DNAH11: variants seen among roughly 807,000 people sequenced by gnomAD.
DNAH11 encodes dynein axonemal heavy chain 11.
DNAH11 carries 442 observed loss-of-function variants against 526.0 expected under a neutral mutation model. The ratio of observed to expected loss-of-function variants is 0.84; its 90% confidence interval spans 0.78 to 0.91. The LOEUF is 0.91. Among genes scored for constraint, DNAH11 ranks in the 40% least tolerant of loss-of-function variants. The pLI, the probability that DNAH11 is intolerant of heterozygous loss-of-function variation, is 0.00. For missense variants in DNAH11, 6,989 were observed against 5,448.7 expected (o/e 1.28, Z -8.90); for synonymous variants, 2,461 against 1,935.9 (o/e 1.27, Z -7.12).
intron 28 of DNAH11, among the ~76,000 whole-genome samples, chr7:21,646,812 C>G (rs1787373641): frequency 6.6e-6 from 1 of 152,056 alleles, no homozygotes; most frequent in Non-Finnish European, 1.5e-5. Flanking sequence ...TAGCAATATC[C>G]AAAAGGATCA....
chr7:21,616,883 G>A (rs1785806922), intron 22 of DNAH11, among the ~76,000 whole-genome samples: 1 of 152,152 alleles, frequency 6.6e-6, no homozygotes, highest in African/African-American at 2.4e-5. Context: ...ATGCATATCA[G>A]TGAAAGGCAG....
chr7:21,663,971 A>T lies in DNAH11; in HGVS notation c.5328+4940A>T, dbSNP rs117489403. Among the ~76,000 whole-genome samples the T allele has an allele frequency of 8.3e-3, 1,258 of 152,012 alleles. 45 individuals carry two copies. In the South Asian group the frequency reaches 0.091, roughly 11 times the overall value. ...AGTCAGATTGCTGGATCATATGGTA[A>T]TTCTATTTTTAATTTTTTGAGGAAA... On this transcript the variant is annotated intron_variant, in intron 30 of 81. Transcript: ENST00000409508.
At chr7:21,647,291 G>C (rs62447805) in intron 28 of DNAH11, among the ~76,000 whole-genome samples, 7,587 of 152,064 alleles carry the variant, frequency 0.05, 232 homozygotes, top group Non-Finnish European at 0.06. Context: ...GCTCAGATTG[G>C]TCAAAACAAT....
intron 30 of DNAH11, among the ~76,000 whole-genome samples, chr7:21,675,883 A>AG (rs142575126): frequency 0.024 from 3,659 of 152,294 alleles, 138 homozygotes; most frequent in African/African-American, 0.083. Context: ...ATAAATAGAT[A>AG]GGGGGTAATA....
intron 66 of DNAH11, among the ~76,000 whole-genome samples, chr7:21,843,253 G>C (rs1280910319): frequency 6.6e-6 from 1 of 151,982 alleles, no homozygotes; most frequent in African/African-American, 2.4e-5. Flanking sequence ...TAGAAGAAAG[G>C]CAATAATAAA....
At chr7:21,881,357 T>A (rs938293761) in intron 75 of DNAH11, among the ~76,000 whole-genome samples, 2 of 152,216 alleles carry the variant, frequency 1.3e-5, no homozygotes, top group Admixed American at 6.5e-5. Context: ...CATATGTCAT[T>A]ATTATGTATT....
At position 21,873,348 on chromosome 7, in the gene DNAH11, A is replaced by G; in HGVS notation, c.12042A>G (p.Arg4014=). The G allele has an allele frequency of 6.2e-7, 1 of 1,613,524 alleles. No individual in the cohort carries two copies. The highest frequency in any genetic ancestry group is 8.5e-7 in the Non-Finnish European group (1 of 1,179,678). The change falls in exon 74 of 82, where the codon AGA becomes AGG. Residue 4014 remains arginine (R), a synonymous_variant. Coordinates refer to ENST00000409508, the MANE Select transcript of DNAH11 (RefSeq NM_001277115.2). The part of the protein sequence containing the change: ...LLERFSQGSH[R]DYRVFMSAES... ...AAAGATTCAGCCAAGGAAGCCACAGAGATTACAGGGTTTTCATGAGTGCTG... is the reference window on the plus strand; with the variant it reads ...AAAGATTCAGCCAAGGAAGCCACAGGGATTACAGGGTTTTCATGAGTGCTG...
intron 76 of DNAH11, among the ~76,000 whole-genome samples, chr7:21,888,280 T>A (rs117819282): frequency 0.042 from 6,461 of 152,254 alleles, 194 homozygotes; most frequent in South Asian, 0.11. Context: ...CAAATGCATT[T>A]GTTTAAATTC....
intron 29 of DNAH11, 47 bp from the exon 30 acceptor site, chr7:21,658,751 C>T (rs1397252162): frequency 4.1e-6 from 6 of 1,446,648 alleles, no homozygotes; most frequent in Middle Eastern, 1.8e-4. Context: ...TGAAATTATC[C>T]TTCCATAGTT....
In DNAH11 at chr7:21,636,106, GA is replaced by G; in HGVS notation, c.4725+12del. ...GATGCTGAATTTAAGGTTTGTCAAA[GA>G]CAGGCTGTATGCTATTCTAGCAAAG... is the stretch of plus-strand genomic sequence containing the variant. On this transcript the variant is annotated intron_variant, in intron 26 of 81. Transcript: ENST00000409508. 1 of 1,598,874 alleles carries G rather than the reference GA, an allele frequency of 6.3e-7. No individual in the cohort carries two copies. Among genetic ancestry groups the G allele is most frequent in the Non-Finnish European group, 8.5e-7 (1 of 1,170,432 alleles).
intron 2 of DNAH11, among the ~76,000 whole-genome samples, chr7:21,546,090 T>G (rs1476657425): frequency 6.6e-6 from 1 of 152,222 alleles, no homozygotes; most frequent in East Asian, 1.9e-4. Context: ...ATCAGACCTC[T>G]GTAATCAGTG....
chr7:21,837,605 A>G (rs1016188529), intron 65 of DNAH11, among the ~76,000 whole-genome samples: 1 of 152,154 alleles, frequency 6.6e-6, no homozygotes, highest in South Asian at 2.1e-4. Flanking sequence ...AGATTGGTCA[A>G]TGGTTACAAA....
intron 59 of DNAH11, 133 bp downstream of exon 59, chr7:21,786,900 G>A: frequency 7.6e-7 from 1 of 1,316,752 alleles, no homozygotes; most frequent in Non-Finnish European, 1.0e-6. Flanking sequence ...GTAATCTACT[G>A]TATATGTTCT....
At chr7:21,833,135 G>A (rs769042237) in intron 65 of DNAH11, among the ~76,000 whole-genome samples, 5 of 152,094 alleles carry the variant, frequency 3.3e-5, no homozygotes, top group Non-Finnish European at 7.3e-5. Context: ...CTGATTCAGT[G>A]TTCTTGACTT....
At chr7:21,691,850 T>A (rs989178849) in intron 35 of DNAH11, among the ~76,000 whole-genome samples, 11 of 152,194 alleles carry the variant, frequency 7.2e-5, no homozygotes, top group African/African-American at 2.7e-4. Context: ...CTTTTTTTTA[T>A]TATAATGAAG....
intron 79 of DNAH11, among the ~76,000 whole-genome samples, chr7:21,896,736 C>A (rs946583509): frequency 6.6e-6 from 1 of 152,088 alleles, no homozygotes; most frequent in Non-Finnish European, 1.5e-5. Flanking sequence ...TTCATTATAT[C>A]TTCAACTGTC....
intron 55 of DNAH11, among the ~76,000 whole-genome samples, chr7:21,767,273 CTT>C (rs1361268681): frequency 6.6e-6 from 1 of 152,090 alleles, no homozygotes; most frequent in Non-Finnish European, 1.5e-5. Context: ...GGCCAGAGCA[CTT>C]TGTTTCTGCA....
At chr7:21,835,269 G>A (rs1239541151) in intron 65 of DNAH11, among the ~76,000 whole-genome samples, 3 of 147,472 alleles carry the variant, frequency 2.0e-5, no homozygotes, top group Non-Finnish European at 4.5e-5. Flanking sequence ...AACTCAACCT[G>A]AGTCCAGCAT....
intron 8 of DNAH11, among the ~76,000 whole-genome samples, chr7:21,575,519 T>A (rs1338552285): frequency 1.3e-5 from 2 of 152,268 alleles, no homozygotes; most frequent in Admixed American, 6.5e-5. Flanking sequence ...TCATTTTAAT[T>A]AAACAGATTT....
Sources: gnomAD v4.1 joint callset for allele counts (sites outside exome capture counted in the v4.1 genomes callset) on GRCh38, gnomAD v4.1.1 for gene constraint, MANE v1.5 for transcripts, NCBI Gene and HGNC (gene_info 2026-07-23, HGNC 2026-07-21) for gene names.